EPS15L1: variants seen among roughly 807,000 people sequenced by gnomAD.
The protein encoded by EPS15L1 is epidermal growth factor receptor substrate 15-like 1.
EPS15L1 carries 43 observed loss-of-function variants against 117.1 expected under a neutral mutation model. That is an observed-to-expected ratio of 0.37 (90% CI 0.29 to 0.47). The LOEUF (loss-of-function observed/expected upper bound fraction) is 0.47, where lower values mean the gene tolerates loss of function less well. EPS15L1 is among the 20% of genes least tolerant of loss of function. EPS15L1 has a pLI of 0.99. For synonymous variants in EPS15L1, 459 were observed against 470.5 expected (o/e 0.98, Z 0.32); for missense variants, 981 against 1,164.0 (o/e 0.84, Z 2.29).
intron 13 of EPS15L1, among the ~76,000 whole-genome samples, chr19:16,411,204 T>C (rs1418781077): frequency 6.6e-6 from 1 of 152,144 alleles, no homozygotes. Context: ...TATTCCCCGA[T>C]GGGAGGAACA....
chr19:16,392,043 T>C (rs894756085), intron 19 of EPS15L1, among the ~76,000 whole-genome samples: 9 of 152,220 alleles, frequency 5.9e-5, no homozygotes, highest in African/African-American at 9.6e-5. Flanking sequence ...GACATCCTCC[T>C]TGCCCTGATG....
intron 16 of EPS15L1, among the ~76,000 whole-genome samples, chr19:16,399,878 AC>A (rs1245976381): frequency 6.6e-6 from 1 of 152,062 alleles, no homozygotes; most frequent in East Asian, 1.9e-4. Flanking sequence ...CCAGCATGCC[AC>A]TGGGTCTGGA....
intron 9 of EPS15L1, among the ~76,000 whole-genome samples, chr19:16,423,592 T>G (rs896876546): frequency 1.3e-5 from 2 of 151,638 alleles, no homozygotes; most frequent in African/African-American, 4.9e-5. Flanking sequence ...AAAAAAAAAA[T>G]CTATGGATCT....
rs1458135579 is a variant in EPS15L1 at position 16,359,583 on chromosome 19, G to A, written c.2586+2196C>T. Among the ~76,000 whole-genome samples, 5 of 152,262 alleles carry A rather than the reference G, an allele frequency of 3.3e-5. No individual in the cohort carries two copies. The South Asian group carries it at 1.0e-3, about 32-fold the overall frequency. Reference sequence around the variant, plus strand: ...AGTGATTTTAAACAGAAAACAGGCCGGGCACAGGGGCTCATGCCTGTAATC... The same window carrying A: ...AGTGATTTTAAACAGAAAACAGGCCAGGCACAGGGGCTCATGCCTGTAATC... On this transcript the variant is annotated intron_variant, in intron 23 of 23. Coordinates refer to ENST00000455140, the MANE Select transcript of EPS15L1 (RefSeq NM_001258374.3).
chr19:16,361,498 C>T, intron 23 of EPS15L1: 1 of 928,414 alleles, frequency 1.1e-6, no homozygotes, highest in Non-Finnish European at 1.3e-6. Context: ...AGAAATAATA[C>T]AATGAATCTA....
At chr19:16,413,936 C>T in intron 12 of EPS15L1, 91 bp from the exon 13 acceptor site, 2 of 939,026 alleles carry the variant, frequency 2.1e-6, no homozygotes, top group East Asian at 2.5e-5. Flanking sequence ...CCCACAAAAG[C>T]CCCTCTGTGT....
chr19:16,471,847 C>A lies in EPS15L1; in HGVS notation c.33+66G>T. ...CTGGCTGAGTCTCCCAGCGCCTCAG[C>A]CTCGCCGCACCGCTCGCCTCGCGCC... On this transcript the variant is annotated intron_variant, in intron 1 of 23. Transcript: ENST00000455140. This position sits in a 1 kb window ranked among gnomAD's most constrained non-coding sequence, Gnocchi z 4.8. The A allele has an allele frequency of 9.8e-7, 1 of 1,023,712 alleles. No homozygotes were observed. The highest frequency in any genetic ancestry group is 3.6e-5 in the East Asian group (1 of 27,782). 63.4% of individuals were successfully genotyped at this position (1,023,712 alleles called of 1,614,324 possible).
rs1171276081 is a variant in EPS15L1 at position 16,355,392 on chromosome 19, T to C, written c.*313A>G. The C allele has an allele frequency of 9.2e-6, 3 of 324,506 alleles. No individual in the cohort carries two copies. Among genetic ancestry groups the C allele is most frequent in the Non-Finnish European group, 1.7e-5 (3 of 175,858 alleles). The allele number at this position is 324,506 out of a possible 1,614,324, so 20.1% of individuals were successfully genotyped here. On this transcript the variant is annotated 3_prime_UTR_variant, in exon 24 of 24. Transcript: ENST00000455140. ...GAGTAGGGAGGAGGCGGGGAAGCCC[T>C]GGGTGCTTCCTCTCCTCGACTGACC...
intron 8 of EPS15L1, among the ~76,000 whole-genome samples, chr19:16,427,899 A>AAAAG (rs568806756): frequency 5.5e-4 from 82 of 148,374 alleles, no homozygotes; most frequent in South Asian, 1.9e-3. Context: ...GTGTCAAAAA[A>AAAAG]AAAGAAAGAA....
intron 8 of EPS15L1, among the ~76,000 whole-genome samples, chr19:16,427,777 C>A (rs1318462453): frequency 6.6e-6 from 1 of 152,134 alleles, no homozygotes; most frequent in African/African-American, 2.4e-5. Flanking sequence ...ACCTGTAATT[C>A]CAGCTACTTG....
At chr19:16,408,530 C>A (rs28697894) in intron 13 of EPS15L1, among the ~76,000 whole-genome samples, 20,342 of 151,794 alleles carry the variant, frequency 0.13, 1,439 homozygotes, top group Non-Finnish European at 0.14. Flanking sequence ...TGTGGGGGCA[C>A]GCATCTGCAT....
At chr19:16,441,145 T>C (rs1351878037) in intron 3 of EPS15L1, 2 of 563,468 alleles carry the variant, frequency 3.5e-6, no homozygotes, top group Non-Finnish European at 6.4e-6. Context: ...CCCAAGCCAA[T>C]GGTGTTTATG....
intron 16 of EPS15L1, chr19:16,401,832 T>C: frequency 1.0e-6 from 1 of 986,882 alleles, no homozygotes; most frequent in Non-Finnish European, 1.2e-6. Context: ...AGCAACACCC[T>C]GGGGCGCTGC....
chr19:16,416,581 G>T (rs1002792822), intron 12 of EPS15L1, among the ~76,000 whole-genome samples: 8 of 151,402 alleles, frequency 5.3e-5, no homozygotes, highest in African/African-American at 1.9e-4. Flanking sequence ...AGGCTGCAGT[G>T]AGCTGAGATC....
At position 16,381,890 on chromosome 19, in the gene EPS15L1, C is replaced by T. The variant is rs1485257503; in HGVS notation, c.2247+3239G>A. On this transcript the variant is annotated intron_variant, in intron 21 of 23. Coordinates refer to ENST00000455140, the MANE Select transcript of EPS15L1 (RefSeq NM_001258374.3). This position sits in a 1 kb window ranked among gnomAD's most constrained non-coding sequence, Gnocchi z 4.2. ...AGGTCTAGATGGGAAGTGGTGTGAC[C>T]GGCTGGGCCTTGTCCTCCCTGGGCA... 1.3e-5 allele frequency among the ~76,000 whole-genome samples: 2 copies of T among 152,208 alleles called. No individual in the cohort carries two copies. Among genetic ancestry groups the T allele is most frequent in the African/African-American group, 2.4e-5 (1 of 41,442 alleles).
At chr19:16,390,409 T>C (rs1008301603) in intron 19 of EPS15L1, among the ~76,000 whole-genome samples, 9 of 152,252 alleles carry the variant, frequency 5.9e-5, no homozygotes, top group East Asian at 1.9e-4. Flanking sequence ...TCCACAATCA[T>C]AGGAGAATGT....
intron 21 of EPS15L1, among the ~76,000 whole-genome samples, chr19:16,377,684 C>T (rs748168085): frequency 9.9e-5 from 15 of 152,240 alleles, no homozygotes; most frequent in Non-Finnish European, 1.8e-4. Flanking sequence ...GTGCCGCCTC[C>T]CCACTGAGCT....
At chr19:16,401,465 G>C (rs1312314787) in intron 16 of EPS15L1, 1 of 985,694 alleles carries the variant, frequency 1.0e-6, no homozygotes. Context: ...CCCTGGGAGA[G>C]AGGGTGGCAG....
rs114148592 is a variant in EPS15L1 at position 16,404,518 on chromosome 19, A to G, written c.1428+70T>C. ...AAGTGTTGTGTTCCCAGGTAACACG[A>G]GCTCAGGGGAGTCCTTGGGAAGCCC... On this transcript the variant is annotated intron_variant, in intron 14 of 23. Coordinates refer to ENST00000455140, the MANE Select transcript of EPS15L1 (RefSeq NM_001258374.3). The surrounding 1 kb of genome is among the most constrained non-coding windows in gnomAD (Gnocchi z 4.2). The G allele has an allele frequency of 1.9e-3, 2,960 of 1,544,616 alleles. 64 individuals are homozygous for G. The African/African-American group carries it at 0.036, about 19-fold the overall frequency.
Sources: allele counts gnomAD v4.1 joint callset (sites outside exome capture counted in the v4.1 genomes callset), GRCh38; gene constraint gnomAD v4.1.1; non-coding constraint Gnocchi (gnomAD v3.1); transcripts MANE v1.5; gene names NCBI Gene and HGNC (gene_info 2026-07-23, HGNC 2026-07-21).